SHANK1: variants seen among roughly 807,000 people sequenced by gnomAD.
SHANK1 encodes SH3 and multiple ankyrin repeat domains protein 1.
A neutral mutation model predicts 165.6 loss-of-function variants in SHANK1; 35 were observed. That is an observed-to-expected ratio of 0.21 (90% CI 0.16 to 0.28). The LOEUF (loss-of-function observed/expected upper bound fraction) is 0.28, where lower values mean the gene tolerates loss of function less well. SHANK1 is among the 10% of genes least tolerant of loss of function. The pLI, the probability that SHANK1 is intolerant of heterozygous loss-of-function variation, is 1.00. For synonymous variants in SHANK1, 1,428 were observed against 1,384.8 expected, an observed-to-expected ratio of 1.03 and a Z score of -0.69; for missense variants, 2,681 against 3,036.4, an observed-to-expected ratio of 0.88 and a Z score of 2.75.
intron 21 of SHANK1, among the ~76,000 whole-genome samples, chr19:50,675,349 G>A (rs1294818177): frequency 2.0e-5 from 3 of 152,210 alleles, no homozygotes; most frequent in Non-Finnish European, 4.4e-5. Flanking sequence ...ACAGTTACCT[G>A]TGGCTGGTGG....
intron 12 of SHANK1, among the ~76,000 whole-genome samples, chr19:50,700,409 G>C (rs1045282384): frequency 2.0e-5 from 3 of 151,822 alleles, no homozygotes; most frequent in Non-Finnish European, 4.4e-5. Flanking sequence ...AGGACTTGGG[G>C]CATTGGAGAA....
intron 15 of SHANK1, among the ~76,000 whole-genome samples, chr19:50,696,456 C>CA (rs2123158059): frequency 6.6e-6 from 1 of 151,754 alleles, no homozygotes; most frequent in South Asian, 2.1e-4. Context: ...AACACAGACA[C>CA]GTAGGTTTGG....
Position 50,716,707 on chromosome 19 carries a change from G to A in SHANK1, c.213C>T (p.Ser71=), listed in dbSNP as rs1568447005. 3.8e-6 allele frequency: 6 copies of A among 1,598,614 alleles called. No individual in the cohort carries two copies. Among genetic ancestry groups the A allele is most frequent in the Non-Finnish European group, 4.3e-6 (5 of 1,173,220 alleles). Residue 71 remains serine (S), a synonymous_variant, in exon 2 of 24, where the codon AGC becomes AGT. Transcript: ENST00000293441. This position sits in a 1 kb window ranked among gnomAD's most constrained non-coding sequence, Gnocchi z 8.4. ...GGATGCCAATCCTGAAGACCATCATGCTGAAGTGGGCGTCGTCTGGGACGG... is the reference window on the plus strand; with the variant it reads ...GGATGCCAATCCTGAAGACCATCATACTGAAGTGGGCGTCGTCTGGGACGG... ...SMSVPDDAHF[S]MMVFRIGIPD... is the part of the protein sequence containing the mutation.
Position 50,716,152 on chromosome 19 carries a change from G to A in SHANK1, c.459+123C>T. 1.2e-6 allele frequency: 1 copy of A among 863,356 alleles called. No individual in the cohort carries two copies. The highest frequency in any genetic ancestry group is 1.9e-6 in the Non-Finnish European group (1 of 521,764). The allele number at this position is 863,356 out of a possible 1,614,324, so 53.5% of individuals were successfully genotyped here. ...CTGACTTCCCTGTGATGCTTAGAAG[G>A]TCTGGACTCGCACACTGGGTGCCCC... On this transcript the variant is annotated intron_variant, in intron 3 of 23. Coordinates refer to ENST00000293441, the MANE Select transcript of SHANK1 (RefSeq NM_016148.5). The surrounding 1 kb of genome is among the most constrained non-coding windows in gnomAD (Gnocchi z 8.4).
Position 50,667,118 on chromosome 19 carries a change from A to G in SHANK1, c.4842T>C (p.Pro1614=). 6.8e-7 allele frequency: 1 copy of G among 1,480,570 alleles called. No homozygotes were observed. Among genetic ancestry groups the G allele is most frequent in the Non-Finnish European group, 9.0e-7 (1 of 1,110,798 alleles). The allele number at this position is 1,480,570 out of a possible 1,614,324, so 91.7% of individuals were successfully genotyped here. A position where few individuals can be genotyped will look rare whatever the true frequency, so the allele number is the denominator to read the frequency against. Residue 1614 remains proline, a synonymous_variant, in exon 23 of 24, where the codon CCT becomes CCC. Transcript: ENST00000293441. This position sits in a 1 kb window ranked among gnomAD's most constrained non-coding sequence, Gnocchi z 5.7. ...PVPPPAVAAA[P]PTLDSTASSL... is the part of the protein sequence containing the mutation. The stretch of plus-strand genomic sequence containing the variant: ...TGGATGCGGTGGAGTCCAGGGTGGG[A>G]GGGGCTGCGGCCACAGCCGGGGGTG...
Position 50,668,498 on chromosome 19 carries a change from G to A in SHANK1, c.3462C>T (p.Pro1154=). Residue 1154 remains proline (P), a synonymous_variant, in exon 23 of 24, where the codon CCC becomes CCT. Transcript: ENST00000293441. ...GGGCCTTGATGATGATGGTGGGGAT[G>A]GGGATGGAGTTCTTCTCCGAGGGCG... ...VAAPSEKNSI[P]IPTIIIKAPS... 1.5e-6 allele frequency: 2 copies of A among 1,347,290 alleles called. No individual in the cohort carries two copies. Among genetic ancestry groups the A allele is most frequent in the Non-Finnish European group, 9.5e-7 (1 of 1,049,196 alleles). The allele number at this position is 1,347,290 out of a possible 1,614,324, so 83.5% of individuals were successfully genotyped here.
intron 5 of SHANK1, 48 bp downstream of exon 5, chr19:50,714,134 C>T (rs1165810948): frequency 6.3e-7 from 1 of 1,576,952 alleles, no homozygotes; most frequent in Admixed American, 1.7e-5. Context: ...CCCTGCTCCC[C>T]AGCTCTGTCC....
rs1457240880 is a variant in SHANK1 at position 50,672,056 on chromosome 19, G to A, written c.2636C>T (p.Pro879Leu). The A allele has an allele frequency of 6.2e-7, 1 of 1,614,008 alleles. No individual in the cohort carries two copies. Among genetic ancestry groups the A allele is most frequent in the East Asian group, 2.2e-5 (1 of 44,886 alleles). ...QPSYERPSFL[P>L]PGPGLMLRQK... is the part of the protein sequence containing the mutation. The stretch of plus-strand genomic sequence containing the variant: ...CCGGAGCATCAACCCAGGTCCTGGA[G>A]GCAGGAAAGAAGGACGCTCGTAACT... The change falls in exon 22 of 24, where the codon CCT becomes CTT. Residue 879 changes from proline to leucine, a missense_variant. Physicochemically the swap from Pro to Leu is moderately conservative, Grantham distance 98. Transcript: ENST00000293441.
chr19:50,660,672 G>A lies in SHANK1; in HGVS notation c.*1293C>T, dbSNP rs914719172. On this transcript the variant is annotated 3_prime_UTR_variant, in exon 24 of 24. Transcript: ENST00000293441. ...TGTGCAGCCATGTCATGGTGCGCAA[G>A]AACATTATTAAAGGGGAGAAACAAG... Among the ~76,000 whole-genome samples, 1 of 129,646 alleles carries A rather than the reference G, an allele frequency of 7.7e-6. No individual in the cohort carries two copies. Among genetic ancestry groups the A allele is most frequent in the Non-Finnish European group, 1.6e-5 (1 of 63,584 alleles). 85.1% of individuals were successfully genotyped at this position (129,646 alleles called of 152,430 possible).
At position 50,686,849 on chromosome 19, in the gene SHANK1, C is replaced by G. The variant is rs1459719202; in HGVS notation, c.2390-37G>C. On this transcript the variant is annotated intron_variant, in intron 19 of 23. Transcript: ENST00000293441. The surrounding 1 kb of genome is among the most constrained non-coding windows in gnomAD (Gnocchi z 5.7). ...GAACACGGATGACGCCCAGGGAGCC[C>G]CCGGGGGCGGGGCGGAGCGGGCTCG... The G allele has an allele frequency of 1.2e-6, 2 of 1,611,510 alleles. No homozygotes were observed. The highest frequency in any genetic ancestry group is 1.3e-5 in the African/African-American group (1 of 74,896).
Position 50,686,180 on chromosome 19 carries a change from G to C in SHANK1, c.2577+57C>G. 3.9e-6 allele frequency: 4 copies of C among 1,019,730 alleles called. No individual in the cohort carries two copies. The highest frequency in any genetic ancestry group is 5.0e-5 in the East Asian group (2 of 39,684). 63.2% of individuals were successfully genotyped at this position (1,019,730 alleles called of 1,614,324 possible). On this transcript the variant is annotated intron_variant, in intron 21 of 23. Coordinates refer to ENST00000293441, the MANE Select transcript of SHANK1 (RefSeq NM_016148.5). This position sits in a 1 kb window ranked among gnomAD's most constrained non-coding sequence, Gnocchi z 5.7. ...GGGTTTTGGAAAGAGAAAGGCTCCA[G>C]GTTGGTGTGTGAACCGCCTCCCCCC...
chr19:50,667,590 G>A lies in SHANK1; in HGVS notation c.4370C>T (p.Pro1457Leu). Residue 1457 changes from proline to leucine, a missense_variant, in exon 23 of 24, where the codon CCC (proline) becomes CTC (leucine). This residue lies in a region of SHANK1 where 1,713 missense variants were observed against 1,630.2 expected (regional missense o/e 1.05). Transcript: ENST00000293441. This position sits in a 1 kb window ranked among gnomAD's most constrained non-coding sequence, Gnocchi z 5.7. The stretch of plus-strand genomic sequence containing the variant: ...CTCCGTCCCCAGCTGCAGCAGGAGG[G>A]GCCCCACCCCGGGAGCGGTGGGCGG... Reference protein sequence around the residue: ...RLPPTAPGVGPLLLQLGTEPP... With the variant: ...RLPPTAPGVGLLLLQLGTEPP... The A allele has an allele frequency of 1.4e-6, 2 of 1,439,984 alleles. No individual in the cohort carries two copies. The highest frequency in any genetic ancestry group is 1.8e-6 in the Non-Finnish European group (2 of 1,108,264). The allele number at this position is 1,439,984 out of a possible 1,614,324, so 89.2% of individuals were successfully genotyped here.
chr19:50,682,002 C>T (rs1898006547), intron 21 of SHANK1, among the ~76,000 whole-genome samples: 2 of 152,162 alleles, frequency 1.3e-5, no homozygotes, highest in African/African-American at 2.4e-5. Flanking sequence ...CCTTGGCCTC[C>T]CAAAGTGTTG....
At chr19:50,675,936 C>T (rs1985964669) in intron 21 of SHANK1, among the ~76,000 whole-genome samples, 1 of 152,086 alleles carries the variant, frequency 6.6e-6, no homozygotes. Context: ...GCAGAGGTTG[C>T]AGTTAGTCAA....
intron 23 of SHANK1, among the ~76,000 whole-genome samples, chr19:50,665,850 A>T (rs1006800528): frequency 1.3e-5 from 2 of 150,730 alleles, no homozygotes; most frequent in African/African-American, 4.9e-5. Flanking sequence ...CCTGACCAAC[A>T]TGGAGAAACC....
chr19:50,669,159 C>T lies in SHANK1; in HGVS notation c.2801G>A (p.Ser934Asn). Reference sequence around the variant, plus strand: ...TGAGGAGGAGGGGACTGGAGGTGTGCTGTAGGGAGGCTCCGGTGGGGACGT... The same window carrying T: ...TGAGGAGGAGGGGACTGGAGGTGTGTTGTAGGGAGGCTCCGGTGGGGACGT... ...PTTSPPEPPY[S>N]TPPVPSSSGR... Residue 934 changes from serine to asparagine, a missense_variant, in exon 23 of 24, where the codon AGC becomes AAC. Ser to Asn is a conservative substitution (Grantham distance 46). This residue lies in a region of SHANK1 where 10 missense variants were observed against 28.9 expected (regional missense o/e 0.35). Transcript: ENST00000293441. 6.3e-7 allele frequency: 1 copy of T among 1,581,970 alleles called. No homozygotes were observed. The highest frequency in any genetic ancestry group is 8.6e-7 in the Non-Finnish European group (1 of 1,165,302).
chr19:50,684,666 T>C (rs953062044), intron 21 of SHANK1, among the ~76,000 whole-genome samples: 2 of 152,130 alleles, frequency 1.3e-5, no homozygotes, highest in Admixed American at 6.6e-5. Flanking sequence ...AACTCAACCT[T>C]TCCTCAATTA....
chr19:50,707,564 CT>C (rs11291754), intron 8 of SHANK1, among the ~76,000 whole-genome samples: 98,462 of 142,144 alleles, frequency 0.69, 34,038 homozygotes, highest in South Asian at 0.77. Context: ...CTTCTTCTTC[CT>C]TTTTTTTTTT....
intron 8 of SHANK1, among the ~76,000 whole-genome samples, chr19:50,706,832 C>T (rs2088944014): frequency 6.6e-6 from 1 of 151,934 alleles, no homozygotes; most frequent in African/African-American, 2.4e-5. Context: ...GGCTGGAGTG[C>T]AGTGACACGA....
Sources: gnomAD v4.1 joint callset for allele counts (sites outside exome capture counted in the v4.1 genomes callset) on GRCh38, gnomAD v4.1.1 for gene constraint, gnomAD v4.1.1 regional missense constraint, Gnocchi (gnomAD v3.1) non-coding constraint, MANE v1.5 for transcripts, NCBI Gene and HGNC (gene_info 2026-07-23, HGNC 2026-07-21) for gene names.